ACOX2: variants seen among roughly 807,000 people sequenced by gnomAD.
The protein encoded by ACOX2 is acyl-CoA oxidase 2.
A neutral mutation model predicts 77.5 loss-of-function variants in ACOX2; 59 were observed. The ratio of observed to expected loss-of-function variants is 0.76; its 90% confidence interval spans 0.62 to 0.95. The LOEUF is 0.95. Among genes scored for constraint, ACOX2 ranks in the 40% least tolerant of loss-of-function variants. The pLI, the probability that ACOX2 is intolerant of heterozygous loss-of-function variation, is 0.00. For synonymous variants in ACOX2, 317 were observed against 340.1 expected (o/e 0.93, Z 0.75); for missense variants, 837 against 880.4 (o/e 0.95, Z 0.62).
Position 58,524,217 on chromosome 3 carries a change from G to T in ACOX2, c.1526+209C>A, listed in dbSNP as rs527352032. On this transcript the variant is annotated intron_variant, in intron 11 of 14. Coordinates refer to ENST00000302819, the MANE Select transcript of ACOX2 (RefSeq NM_003500.4). The surrounding 1 kb of genome is among the most constrained non-coding windows in gnomAD (Gnocchi z 5.5). ...GATGTCCTTCTACTACTGTGACCAG[G>T]ATGGGGAAGTGACGGGGGTCCATGG... Among the ~76,000 whole-genome samples, 1 of 152,346 alleles carries T rather than the reference G, an allele frequency of 6.6e-6. No homozygotes were observed. Among genetic ancestry groups the T allele is most frequent in the South Asian group, 2.1e-4 (1 of 4,830 alleles).
rs568788219 is a variant in ACOX2, at chr3:58,508,793, C to T, written c.1983+100G>A. On this transcript the variant is annotated intron_variant, in intron 14 of 14. Transcript: ENST00000302819. ...CAGACGTGCTACGCCAAGTGATTGC[C>T]AACCTAACGGGAATCAATTAAAATG... The T allele has an allele frequency of 3.4e-6, 5 of 1,481,230 alleles. No individual in the cohort carries two copies. The African/African-American group carries it at 4.2e-5, about 12-fold the overall frequency. 91.8% of individuals were successfully genotyped at this position (1,481,230 alleles called of 1,614,324 possible). A position where few individuals can be genotyped will look rare whatever the true frequency, so the allele number is the denominator to read the frequency against.
At chr3:58,506,290 C>T (rs2063233405) in intron 14 of ACOX2, among the ~76,000 whole-genome samples, 1 of 152,118 alleles carries the variant, frequency 6.6e-6, no homozygotes, top group South Asian at 2.1e-4. Flanking sequence ...GAAATTATCC[C>T]CAATGATTCT....
chr3:58,524,586 G>T lies in ACOX2; in HGVS notation c.1366C>A (p.Leu456Met). The stretch of plus-strand genomic sequence containing the variant: ...GAGCCAGGGGACATCTGAGTCTGCA[G>T]GTAGCTCTTCACCAGGAACCTGGGG... ...QVARFLVKSY[L>M]QTQMSPGSTP... is the part of the protein sequence containing the mutation. Residue 456 changes from leucine (L) to methionine (M), a missense_variant, in exon 11 of 15, where the codon CTG (leucine) becomes ATG (methionine). By Grantham distance (15) the Leu-to-Met change is conservative. Coordinates refer to ENST00000302819, the MANE Select transcript of ACOX2 (RefSeq NM_003500.4). The surrounding 1 kb of genome is among the most constrained non-coding windows in gnomAD (Gnocchi z 5.5). 1 of 1,614,080 alleles carries T rather than the reference G, an allele frequency of 6.2e-7. No individual in the cohort carries two copies. The highest frequency in any genetic ancestry group is 8.5e-7 in the Non-Finnish European group (1 of 1,180,036).
intron 13 of ACOX2, chr3:58,510,984 C>T (rs769073383): frequency 2.0e-5 from 9 of 456,452 alleles, no homozygotes; most frequent in Non-Finnish European, 4.4e-6. Context: ...CTTACCATCT[C>T]TTTGATCCTC....
chr3:58,518,227 G>C (rs933542300), intron 12 of ACOX2, among the ~76,000 whole-genome samples: 3 of 152,180 alleles, frequency 2.0e-5, no homozygotes, highest in Non-Finnish European at 2.9e-5. Context: ...ATTCCAGCTA[G>C]AGTATAAACT....
At chr3:58,518,333 A>C (rs541229209) in intron 12 of ACOX2, among the ~76,000 whole-genome samples, 1 of 152,294 alleles carries the variant, frequency 6.6e-6, no homozygotes, top group East Asian at 1.9e-4. Context: ...GCAACTGTCC[A>C]CTGCCATCAA....
intron 14 of ACOX2, among the ~76,000 whole-genome samples, chr3:58,508,250 G>A (rs986409744): frequency 2.6e-5 from 4 of 152,082 alleles, no homozygotes; most frequent in Admixed American, 6.5e-5. Context: ...CCGTCTTCTC[G>A]CTGTTAATGA....
In ACOX2 at chr3:58,526,445, C is replaced by T. The variant is rs2063394816; in HGVS notation, c.1346+21G>A. 1 of 1,596,816 alleles carries T rather than the reference C, an allele frequency of 6.3e-7. No homozygotes were observed. Among genetic ancestry groups the T allele is most frequent in the East Asian group, 2.2e-5 (1 of 44,606 alleles). ...GGTCCCCAAGGGCTTGGGCAAAGGC[C>T]TGGGTCAGCCTGGACCTTACCTGGC... On this transcript the variant is annotated intron_variant, in intron 10 of 14. Transcript: ENST00000302819. The surrounding 1 kb of genome is among the most constrained non-coding windows in gnomAD (Gnocchi z 4.3).
At chr3:58,520,463 C>G (rs145366456) in intron 12 of ACOX2, among the ~76,000 whole-genome samples, 1 of 152,380 alleles carries the variant, frequency 6.6e-6, no homozygotes, top group African/African-American at 2.4e-5. Flanking sequence ...CTAAAGGGCT[C>G]TTCCATGCCC....
At chr3:58,520,790 C>T (rs1380850188) in intron 12 of ACOX2, among the ~76,000 whole-genome samples, 1 of 152,168 alleles carries the variant, frequency 6.6e-6, no homozygotes, top group Admixed American at 6.5e-5. Flanking sequence ...ACGTGTTCTT[C>T]CCCCGCAGGC....
rs1182007199 is a variant in ACOX2 at position 58,515,768 on chromosome 3, G to A, written c.1850+1438C>T. ...TCTTATGGACAATGGTAAATAATTT[G>A]CAATGTTTTCTTTTCTTTCCTTTTT... On this transcript the variant is annotated intron_variant, in intron 13 of 14. Transcript: ENST00000302819. The surrounding 1 kb of genome is among the most constrained non-coding windows in gnomAD (Gnocchi z 4.0). Among the ~76,000 whole-genome samples the A allele has an allele frequency of 1.3e-5, 2 of 151,920 alleles. No individual in the cohort carries two copies. Among genetic ancestry groups the A allele is most frequent in the Non-Finnish European group, 2.9e-5 (2 of 67,978 alleles).
Position 58,535,257 on chromosome 3 carries a change from A to ACGGC in ACOX2, c.-91-61_-91-60insGCCG. The ACGGC allele has an allele frequency of 1.1e-6, 1 of 917,362 alleles. No individual in the cohort carries two copies. Among genetic ancestry groups the ACGGC allele is most frequent in the South Asian group, 1.6e-5 (1 of 63,350 alleles). 56.8% of individuals were successfully genotyped at this position (917,362 alleles called of 1,614,324 possible). A position where few individuals can be genotyped will look rare whatever the true frequency, so the allele number is the denominator to read the frequency against. On this transcript the variant is annotated intron_variant, in intron 1 of 14. Coordinates refer to ENST00000302819, the MANE Select transcript of ACOX2 (RefSeq NM_003500.4). This position sits in a 1 kb window ranked among gnomAD's most constrained non-coding sequence, Gnocchi z 4.8. ...CAGCCAGGGCTGGTTGGTAGAAGAA[A>ACGGC]GACATCCCTAAGTACCTGAATGCCA... is the stretch of plus-strand genomic sequence containing the variant.
chr3:58,511,206 T>TC, intron 13 of ACOX2: 1 of 316,242 alleles, frequency 3.2e-6, no homozygotes, highest in South Asian at 2.5e-5. Context: ...AGAACAACAT[T>TC]CTCCTGCCTT....
chr3:58,517,796 T>G (rs900855187), intron 12 of ACOX2, among the ~76,000 whole-genome samples: 1 of 152,002 alleles, frequency 6.6e-6, no homozygotes, highest in Admixed American at 6.6e-5. Context: ...ATTTTAAGGC[T>G]GGGCGCGGTG....
chr3:58,534,121 T>A lies in ACOX2; in HGVS notation c.348A>T (p.Leu116Phe). ...AYRALSGDVA[L>F]NIHRVFVRAL... ...CTCTCACGAAGACTCTGTGTATATT[T>A]AAGGCCACGTCTCCAGAAAGGGCTC... The change falls in exon 4 of 15, where the codon TTA (leucine) becomes TTT (phenylalanine). Residue 116 changes from leucine (L) to phenylalanine (F), a missense_variant. Transcript: ENST00000302819. This position sits in a 1 kb window ranked among gnomAD's most constrained non-coding sequence, Gnocchi z 4.8. 2 of 1,614,204 alleles carry A rather than the reference T, an allele frequency of 1.2e-6. No homozygotes were observed. Among genetic ancestry groups the A allele is most frequent in the Non-Finnish European group, 1.7e-6 (2 of 1,180,042 alleles).
chr3:58,524,337 A>C lies in ACOX2; in HGVS notation c.1526+89T>G. 1 of 1,504,250 alleles carries C rather than the reference A, an allele frequency of 6.6e-7. No individual in the cohort carries two copies. The allele number at this position is 1,504,250 out of a possible 1,614,324, so 93.2% of individuals were successfully genotyped here. A position where few individuals can be genotyped will look rare whatever the true frequency, so the allele number is the denominator to read the frequency against. On this transcript the variant is annotated intron_variant, in intron 11 of 14. Coordinates refer to ENST00000302819, the MANE Select transcript of ACOX2 (RefSeq NM_003500.4). The surrounding 1 kb of genome is among the most constrained non-coding windows in gnomAD (Gnocchi z 5.5). Reference sequence around the variant, plus strand: ...TGGGGTGGTTTTTAGAACTGAATCCACGAATGTCCACCCAACCAATCCAAA... The same window carrying C: ...TGGGGTGGTTTTTAGAACTGAATCCCCGAATGTCCACCCAACCAATCCAAA...
At chr3:58,532,786 G>A (rs913656321) in intron 5 of ACOX2, among the ~76,000 whole-genome samples, 2 of 152,180 alleles carry the variant, frequency 1.3e-5, no homozygotes, top group Non-Finnish European at 2.9e-5. Context: ...CAGCATATTT[G>A]TTTTAATTTT....
rs550491341 is a variant in ACOX2, at chr3:58,528,862, T to C, written c.1087A>G (p.Ser363Gly). Residue 363 changes from serine (S) to glycine (G), a missense_variant, in exon 9 of 15, where the codon AGC (serine) becomes GGC (glycine). Transcript: ENST00000302819. This position sits in a 1 kb window ranked among gnomAD's most constrained non-coding sequence, Gnocchi z 5.6. ...GAGTGCTGGAAGAACTCCAAGAGGCTGACTGCCAGGAAATGGAAGGCATAA... is the reference window on the plus strand; with the variant it reads ...GAGTGCTGGAAGAACTCCAAGAGGCCGACTGCCAGGAAATGGAAGGCATAA... ...ISYAFHFLAV[S>G]LLEFFQHSYT... 1.2e-6 allele frequency: 2 copies of C among 1,613,802 alleles called. No homozygotes were observed. The highest frequency in any genetic ancestry group is 1.7e-6 in the Non-Finnish European group (2 of 1,179,914).
Position 58,530,532 on chromosome 3 carries a change from A to G in ACOX2, c.926T>C (p.Leu309Pro). 2.5e-6 allele frequency: 4 copies of G among 1,614,250 alleles called. No individual in the cohort carries two copies. Among genetic ancestry groups the G allele is most frequent in the African/African-American group, 1.3e-5 (1 of 75,080 alleles). The change falls in exon 8 of 15, where the codon CTG becomes CCG. Residue 309 changes from leucine to proline, a missense_variant. Coordinates refer to ENST00000302819, the MANE Select transcript of ACOX2 (RefSeq NM_003500.4). ...ELLSGEILPI[L>P]QKACVIAMRY... is the part of the protein sequence containing the mutation. ...CATGGCGATGACACAGGCCTTCTGC[A>G]GTATAGGGAGGATCTCCCCTGACAG...
Sources: allele counts gnomAD v4.1 joint callset (sites outside exome capture counted in the v4.1 genomes callset), GRCh38; gene constraint gnomAD v4.1.1; non-coding constraint Gnocchi (gnomAD v3.1); transcripts MANE v1.5; gene names NCBI Gene and HGNC (gene_info 2026-07-23, HGNC 2026-07-21).